Variants in CNTN5 observed in about 807,000 individuals in gnomAD.
CNTN5 encodes the protein contactin-5.
Under a neutral mutation model 129.1 loss-of-function variants are expected in CNTN5, and 77 were observed. The observed-to-expected ratio is 0.60, with a 90% CI of 0.50 to 0.72. The LOEUF is 0.72. Among genes scored for constraint, CNTN5 ranks in the 30% least tolerant of loss-of-function variants. CNTN5 has a pLI of 0.00. For missense variants in CNTN5, 1,478 were observed against 1,328.8 expected (o/e 1.11, Z -1.75); for synonymous variants, 509 against 465.6 (o/e 1.09, Z -1.20).
intron 3 of CNTN5, among the ~76,000 whole-genome samples, chr11:99,581,316 G>T (rs1442020210): frequency 2.0e-5 from 3 of 146,940 alleles, no homozygotes; most frequent in South Asian, 2.3e-4. Context: ...CTGTTGATTT[G>T]GGGTGGAGAG....
intron 3 of CNTN5, among the ~76,000 whole-genome samples, chr11:99,759,081 A>G (rs187543780): frequency 4.7e-4 from 71 of 152,188 alleles, no homozygotes; most frequent in African/African-American, 1.7e-3. Context: ...TGTCCCATGC[A>G]ATCCACATAG....
intron 3 of CNTN5, among the ~76,000 whole-genome samples, chr11:99,630,577 C>G (rs1951308448): frequency 9.5e-6 from 1 of 104,924 alleles, no homozygotes; most frequent in Admixed American, 1.2e-4. Context: ...ATAAAGAACA[C>G]AAATTTCTCA....
chr11:99,630,961 A>G (rs1036628092), intron 3 of CNTN5, among the ~76,000 whole-genome samples: 1 of 152,170 alleles, frequency 6.6e-6, no homozygotes, highest in African/African-American at 2.4e-5. Flanking sequence ...CAATGCATCT[A>G]TTAAATCTAA....
At chr11:99,142,409 G>T (rs532847984) in intron 1 of CNTN5, among the ~76,000 whole-genome samples, 30 of 152,214 alleles carry the variant, frequency 2.0e-4, no homozygotes, top group African/African-American at 7.2e-4. Flanking sequence ...GCAGGCAGGT[G>T]CGCACCAATG....
At chr11:99,632,079 C>T (rs958201808) in intron 3 of CNTN5, among the ~76,000 whole-genome samples, 3 of 151,828 alleles carry the variant, frequency 2.0e-5, no homozygotes, top group Non-Finnish European at 4.4e-5. Flanking sequence ...TTCAGGTATC[C>T]CCTGGGGGAC....
In CNTN5 at chr11:99,131,942, A is replaced by C. The variant is rs543531665; in HGVS notation, c.-210+110672A>C. 2.5e-4 allele frequency among the ~76,000 whole-genome samples: 38 copies of C among 152,328 alleles called. 1 individual carries two copies. The highest frequency in any genetic ancestry group is 2.2e-3 in the Admixed American group (34 of 15,294). On this transcript the variant is annotated intron_variant, in intron 1 of 24. Coordinates refer to ENST00000524871, the MANE Select transcript of CNTN5 (RefSeq NM_014361.4). Reference sequence around the variant, plus strand: ...TGACATCAAAACCTAGCAGAGATGCAACAAAAAAAGATAACTTCAGGCCGA... The same window carrying C: ...TGACATCAAAACCTAGCAGAGATGCCACAAAAAAAGATAACTTCAGGCCGA...
intron 1 of CNTN5, among the ~76,000 whole-genome samples, chr11:99,100,557 T>G: frequency 6.6e-6 from 1 of 152,250 alleles, no homozygotes; most frequent in East Asian, 1.9e-4. Context: ...ACATTATTAC[T>G]TGTAATTAGT....
At chr11:99,998,196 G>A (rs1278704928) in intron 8 of CNTN5, among the ~76,000 whole-genome samples, 6 of 151,830 alleles carry the variant, frequency 4.0e-5, no homozygotes, top group Non-Finnish European at 7.4e-5. Flanking sequence ...CTTCAATTAG[G>A]AAAAGAGGAA....
chr11:99,330,580 CT>C (rs1865960014), intron 2 of CNTN5, among the ~76,000 whole-genome samples: 1 of 151,996 alleles, frequency 6.6e-6, no homozygotes, highest in African/African-American at 2.4e-5. Flanking sequence ...CTCAAAACAC[CT>C]GTTAGCAGGA....
chr11:99,466,563 T>C (rs12807891), intron 2 of CNTN5, among the ~76,000 whole-genome samples: 23,409 of 152,172 alleles, frequency 0.15, 2,120 homozygotes, highest in East Asian at 0.4. Flanking sequence ...AATTTTTTAT[T>C]AGAGTAGGCA....
chr11:99,878,538 T>C (rs766472090), intron 6 of CNTN5, among the ~76,000 whole-genome samples: 5 of 152,190 alleles, frequency 3.3e-5, no homozygotes, highest in Non-Finnish European at 7.4e-5. Context: ...AAGCAAAGCC[T>C]TTCTGTCATT....
intron 2 of CNTN5, among the ~76,000 whole-genome samples, chr11:99,496,444 C>T (rs958447485): frequency 6.6e-6 from 1 of 151,758 alleles, no homozygotes; most frequent in Admixed American, 6.6e-5. Context: ...TGTTTTTCAC[C>T]ATCTCATTTT....
chr11:100,161,854 C>T lies in CNTN5; in HGVS notation c.1581-29272C>T, dbSNP rs865812909. Among the ~76,000 whole-genome samples, 1,385 of 149,260 alleles carry T rather than the reference C, an allele frequency of 9.3e-3. 25 individuals are homozygous for T. The highest frequency in any genetic ancestry group is 0.032 in the African/African-American group (1,285 of 39,674). On this transcript the variant is annotated intron_variant, in intron 13 of 24. Transcript: ENST00000524871. ...CTACACACACACACACACACACACA[C>T]ACACACACACACACACACAAAACAA...
intron 18 of CNTN5, among the ~76,000 whole-genome samples, chr11:100,275,096 C>CAAA (rs386374656): frequency 6.0e-5 from 9 of 148,864 alleles, no homozygotes; most frequent in Non-Finnish European, 6.0e-5. Flanking sequence ...ATTAAACAAC[C>CAAA]AAAAAAAAAA....
intron 7 of CNTN5, among the ~76,000 whole-genome samples, chr11:99,940,083 G>A (rs1565699966): frequency 6.6e-6 from 1 of 152,070 alleles, no homozygotes. Context: ...ATAGGAGCAG[G>A]GGGAGGAGCA....
At chr11:100,052,468 A>T in intron 9 of CNTN5, among the ~76,000 whole-genome samples, 1 of 151,716 alleles carries the variant, frequency 6.6e-6, no homozygotes. Flanking sequence ...TACAACAAAA[A>T]CCCTAAAATT....
intron 2 of CNTN5, among the ~76,000 whole-genome samples, chr11:99,522,183 T>C (rs1043405362): frequency 3.3e-5 from 5 of 152,042 alleles, no homozygotes; most frequent in African/African-American, 9.7e-5. Context: ...TAAAAGAACA[T>C]ATAAAGTTCT....
intron 1 of CNTN5, among the ~76,000 whole-genome samples, chr11:99,295,490 A>C (rs1188497256): frequency 6.6e-6 from 1 of 152,216 alleles, no homozygotes; most frequent in Non-Finnish European, 1.5e-5. Flanking sequence ...TTTTATTCTA[A>C]ACCATGGAAA....
At chr11:100,088,239 G>T (rs78186127) in intron 13 of CNTN5, among the ~76,000 whole-genome samples, 13,978 of 151,394 alleles carry the variant, frequency 0.092, 802 homozygotes, top group East Asian at 0.18. Flanking sequence ...TTTCTGAAAA[G>T]CAGTGTTAAG....
Sources: allele counts gnomAD v4.1 joint callset (sites outside exome capture counted in the v4.1 genomes callset), GRCh38; gene constraint gnomAD v4.1.1; transcripts MANE v1.5; gene names NCBI Gene and HGNC (gene_info 2026-07-23, HGNC 2026-07-21).